The following PLCB4 variants were observed in gnomAD, a reference collection of about 807,000 sequenced individuals.
The protein encoded by PLCB4 is phospholipase C beta 4.
PLCB4 carries 77 observed loss-of-function variants against 178.8 expected under a neutral mutation model. The observed-to-expected ratio is 0.43, with a 90% CI of 0.36 to 0.52. The LOEUF (loss-of-function observed/expected upper bound fraction) is 0.52, where lower values mean the gene tolerates loss of function less well. Among genes scored for constraint, PLCB4 ranks in the 20% least tolerant of loss-of-function variants. The pLI is 0.00. For synonymous variants in PLCB4, 496 were observed against 490.8 expected, an observed-to-expected ratio of 1.01 and a Z score of -0.14; for missense variants, 1,024 against 1,453.4, an observed-to-expected ratio of 0.70 and a Z score of 4.80.
intron 2 of PLCB4, among the ~76,000 whole-genome samples, chr20:9,109,896 T>C (rs2091512131): frequency 6.6e-6 from 1 of 152,152 alleles, no homozygotes; most frequent in Admixed American, 6.6e-5. Flanking sequence ...CTGTGTGACC[T>C]GGAGGGAGGC....
chr20:9,195,179 A>G (rs2093456345), intron 2 of PLCB4, among the ~76,000 whole-genome samples: 1 of 152,198 alleles, frequency 6.6e-6, no homozygotes, highest in East Asian at 1.9e-4. Context: ...CATCCCGCAT[A>G]TTCTTTTTAG....
At chr20:9,430,489 C>T (rs1266178781) in intron 28 of PLCB4, among the ~76,000 whole-genome samples, 1 of 152,152 alleles carries the variant, frequency 6.6e-6, no homozygotes, top group South Asian at 2.1e-4. Context: ...TCAAATAAGA[C>T]GTTTCAAAAA....
At chr20:9,432,528 A>T (rs956281203) in intron 28 of PLCB4, among the ~76,000 whole-genome samples, 1 of 152,238 alleles carries the variant, frequency 6.6e-6, no homozygotes, top group Admixed American at 6.5e-5. Context: ...ACAGAGAAGC[A>T]TAGACCAAGT....
chr20:9,289,491 AG>A (rs1277203759), intron 3 of PLCB4, among the ~76,000 whole-genome samples: 1 of 152,102 alleles, frequency 6.6e-6, no homozygotes, highest in Non-Finnish European at 1.5e-5. Flanking sequence ...GTTGATGCTG[AG>A]GTTACCAGGA....
chr20:9,107,919 G>C (rs6086775), intron 2 of PLCB4, among the ~76,000 whole-genome samples: 70,480 of 151,906 alleles, frequency 0.46, 17,172 homozygotes, highest in Middle Eastern at 0.57. Context: ...GGTTTGAAGA[G>C]GTGAGATTCT....
chr20:9,362,938 G>A lies in PLCB4; in HGVS notation c.412G>A (p.Ala138Thr). 1.2e-6 allele frequency: 2 copies of A among 1,613,020 alleles called. No homozygotes were observed. Among genetic ancestry groups the A allele is most frequent in the Non-Finnish European group, 1.7e-6 (2 of 1,179,138 alleles). The change falls in exon 8 of 40, where the codon GCC becomes ACC. Residue 138 changes from alanine to threonine, a missense_variant. Physicochemically the swap from Ala to Thr is moderately conservative, Grantham distance 58. Transcript: ENST00000378473. Reference protein sequence around the residue: ...GLRSIIHNFRANNVSPMTCLK... With the variant: ...GLRSIIHNFRTNNVSPMTCLK... Reference sequence around the variant, plus strand: ...GAGATCAATCATACACAACTTCAGGGCCAACAACGTCAGTCCAATGACATG... The same window carrying A: ...GAGATCAATCATACACAACTTCAGGACCAACAACGTCAGTCCAATGACATG...
intron 3 of PLCB4, among the ~76,000 whole-genome samples, chr20:9,271,589 A>C (rs1316566432): frequency 6.6e-6 from 1 of 152,144 alleles, no homozygotes; most frequent in Non-Finnish European, 1.5e-5. Context: ...AATTAAGATG[A>C]CAACTGCTTG....
chr20:9,450,933 G>A (rs1257905302), intron 32 of PLCB4, among the ~76,000 whole-genome samples: 2 of 152,030 alleles, frequency 1.3e-5, no homozygotes, highest in Non-Finnish European at 2.9e-5. Flanking sequence ...ACAGGCATGG[G>A]CTACTGTGCC....
chr20:9,154,923 C>G lies in PLCB4; in HGVS notation c.-79+58581C>G, dbSNP rs1044151346. On this transcript the variant is annotated intron_variant, in intron 2 of 39. Coordinates refer to ENST00000378473, the MANE Select transcript of PLCB4 (RefSeq NM_001377142.1). ...TCCTTCCCTCCTTCCTTCCTTCCTT[C>G]CTTCCTTCCTTCCTTCCTTCCTTCC... Among the ~76,000 whole-genome samples the G allele has an allele frequency of 7.1e-3, 916 of 128,856 alleles. 24 individuals carry two copies. Among genetic ancestry groups the G allele is most frequent in the African/African-American group, 0.026 (875 of 33,386 alleles). The allele number at this position is 128,856 out of a possible 152,430, so 84.5% of individuals were successfully genotyped here. A position where few individuals can be genotyped will look rare whatever the true frequency, so the allele number is the denominator to read the frequency against.
intron 1 of PLCB4, among the ~76,000 whole-genome samples, chr20:9,083,682 A>T (rs1448901079): frequency 6.6e-6 from 1 of 152,188 alleles, no homozygotes; most frequent in Non-Finnish European, 1.5e-5. Flanking sequence ...ACTGAGGGTC[A>T]CATGGTTCAT....
chr20:9,402,655 T>A (rs569032742), intron 20 of PLCB4, among the ~76,000 whole-genome samples: 2 of 152,298 alleles, frequency 1.3e-5, no homozygotes, highest in South Asian at 4.1e-4. Context: ...GAGTCCCCGA[T>A]GGTCAAACCA....
Position 9,266,167 on chromosome 20 carries a change from G to T in PLCB4, c.-15-41633G>T, listed in dbSNP as rs1390838314. Among the ~76,000 whole-genome samples the T allele has an allele frequency of 2.6e-5, 4 of 152,174 alleles. No homozygotes were observed. In the East Asian group the frequency reaches 7.7e-4, roughly 29 times the overall value. On this transcript the variant is annotated intron_variant, in intron 3 of 39. Transcript: ENST00000378473. ...CTACAGCCTTGCTATACAATGTGTG[G>T]TCTCCTGATGGGTCAACATTGCTAT...
intron 3 of PLCB4, among the ~76,000 whole-genome samples, chr20:9,226,757 A>C (rs2093871217): frequency 6.6e-6 from 1 of 152,098 alleles, no homozygotes; most frequent in Non-Finnish European, 1.5e-5. Context: ...TCTTCTGTAC[A>C]AGTAGAAAGG....
intron 1 of PLCB4, among the ~76,000 whole-genome samples, chr20:9,084,198 C>T (rs1347182355): frequency 6.6e-6 from 1 of 152,128 alleles, no homozygotes; most frequent in Non-Finnish European, 1.5e-5. Context: ...TCATGTCTTT[C>T]TTTAGCCTGT....
chr20:9,112,676 T>C (rs1406812933), intron 2 of PLCB4, among the ~76,000 whole-genome samples: 2 of 152,160 alleles, frequency 1.3e-5, no homozygotes, highest in African/African-American at 4.8e-5. Context: ...ATAAACAGCT[T>C]ATCTGGGCTA....
In PLCB4 at chr20:9,277,260, C is replaced by T. The variant is rs1437248000; in HGVS notation, c.-15-30540C>T. Reference sequence around the variant, plus strand: ...AGCAACATAATATTGAAAGACCGCTCAGCCCATTTTTTGAAAAGCATGAGC... The same window carrying T: ...AGCAACATAATATTGAAAGACCGCTTAGCCCATTTTTTGAAAAGCATGAGC... On this transcript the variant is annotated intron_variant, in intron 3 of 39. Coordinates refer to ENST00000378473, the MANE Select transcript of PLCB4 (RefSeq NM_001377142.1). Among the ~76,000 whole-genome samples, 5 of 152,082 alleles carry T rather than the reference C, an allele frequency of 3.3e-5. No homozygotes were observed. In the East Asian group the frequency reaches 7.8e-4, roughly 24 times the overall value.
At chr20:9,331,972 T>C (rs193210222) in intron 4 of PLCB4, among the ~76,000 whole-genome samples, 281 of 152,328 alleles carry the variant, frequency 1.8e-3, no homozygotes, top group Non-Finnish European at 2.8e-3. Flanking sequence ...TGTCCCTTTC[T>C]AGCCTTGCTC....
intron 1 of PLCB4, among the ~76,000 whole-genome samples, chr20:9,083,049 G>T (rs1209311254): frequency 6.6e-6 from 1 of 152,166 alleles, no homozygotes; most frequent in Non-Finnish European, 1.5e-5. Context: ...CCTTAATTAA[G>T]AGCAGCAGAT....
At chr20:9,140,908 A>G (rs974264940) in intron 2 of PLCB4, among the ~76,000 whole-genome samples, 1 of 152,120 alleles carries the variant, frequency 6.6e-6, no homozygotes, top group African/African-American at 2.4e-5. Context: ...GAAAGGACCA[A>G]GGGGAGAGAA....
Sources: gnomAD v4.1 joint callset for allele counts (sites outside exome capture counted in the v4.1 genomes callset) on GRCh38, gnomAD v4.1.1 for gene constraint, MANE v1.5 for transcripts, NCBI Gene and HGNC (gene_info 2026-07-23, HGNC 2026-07-21) for gene names.